Variants in PRDM15 observed in about 807,000 individuals in gnomAD.
PRDM15 encodes PR/SET domain 15, also known as PR domain zinc finger protein 15.
PRDM15 carries 64 observed loss-of-function variants against 128.6 expected under a neutral mutation model. The ratio of observed to expected loss-of-function variants is 0.50; its 90% CI spans 0.41 to 0.61. PRDM15 has a LOEUF of 0.61. Ranked by LOEUF, PRDM15 falls within the 20% of genes least tolerant of loss-of-function variation. The pLI is 0.00. For missense variants in PRDM15, 1,242 were observed against 1,569.1 expected (o/e 0.79, Z 3.52); for synonymous variants, 615 against 621.8 (o/e 0.99, Z 0.16).
Position 41,821,790 on chromosome 21 carries a change from G to T in PRDM15, c.1896+113C>A. Reference sequence around the variant, plus strand: ...GACCACTGGCCGGAGCCTTTGGGGAGGGAGGGCTGCTTCCGAGATGCATGA... The same window carrying T: ...GACCACTGGCCGGAGCCTTTGGGGATGGAGGGCTGCTTCCGAGATGCATGA... On this transcript the variant is annotated intron_variant, in intron 15 of 23. Transcript: ENST00000398548. The surrounding 1 kb of genome is among the most constrained non-coding windows in gnomAD (Gnocchi z 5.4). The T allele has an allele frequency of 7.5e-7, 1 of 1,331,866 alleles. No individual in the cohort carries two copies. 82.5% of individuals were successfully genotyped at this position (1,331,866 alleles called of 1,614,324 possible). A position where few individuals can be genotyped will look rare whatever the true frequency, so the allele number is the denominator to read the frequency against.
rs958935209 is a variant in PRDM15, at chr21:41,811,489, AAAT to A, written c.2393-656_2393-654del. ...TACAAAAATAAAATAAAATAAAATA[AAAT>A]AAAATAACCAGCCGGGCATGATGGT... On this transcript the variant is annotated intron_variant, in intron 19 of 23. Transcript: ENST00000398548. This position sits in a 1 kb window ranked among gnomAD's most constrained non-coding sequence, Gnocchi z 4.1. 1.3e-5 allele frequency: 2 copies of A among 152,228 alleles called. No homozygotes were observed. The highest frequency in any genetic ancestry group is 1.3e-4 in the Admixed American group (2 of 15,294). 9.4% of individuals were successfully genotyped at this position (152,228 alleles called of 1,614,324 possible). A position where few individuals can be genotyped will look rare whatever the true frequency, so the allele number is the denominator to read the frequency against.
intron 21 of PRDM15, among the ~76,000 whole-genome samples, chr21:41,805,801 C>A (rs1002771461): frequency 7.3e-6 from 1 of 137,488 alleles, no homozygotes; most frequent in Non-Finnish European, 1.6e-5. Context: ...ACCACCAACA[C>A]AACCACCTCC....
Position 41,879,196 on chromosome 21 carries a change from G to A in PRDM15, c.-10+74C>T. 1.3e-6 allele frequency: 1 copy of A among 799,092 alleles called. No homozygotes were observed. The highest frequency in any genetic ancestry group is 5.4e-5 in the South Asian group (1 of 18,410). The allele number at this position is 799,092 out of a possible 1,614,324, so 49.5% of individuals were successfully genotyped here. A position where few individuals can be genotyped will look rare whatever the true frequency, so the allele number is the denominator to read the frequency against. Reference sequence around the variant, plus strand: ...GCCCAGGGCGCGCCGGGGCTCGCGGGGGCAGCGGGTGCGGCCCGGGGCCGG... The same window carrying A: ...GCCCAGGGCGCGCCGGGGCTCGCGGAGGCAGCGGGTGCGGCCCGGGGCCGG... On this transcript the variant is annotated intron_variant, in intron 1 of 23. Transcript: ENST00000398548. The surrounding 1 kb of genome is among the most constrained non-coding windows in gnomAD (Gnocchi z 5.1).
chr21:41,814,645 G>A (rs2061981611), intron 19 of PRDM15: 1 of 145,398 alleles, frequency 6.9e-6, no homozygotes, highest in Admixed American at 7.0e-5. Flanking sequence ...AATGCCTTGT[G>A]TTAGTGATTG....
chr21:41,866,560 G>C (rs1416137995), intron 1 of PRDM15, among the ~76,000 whole-genome samples: 1 of 152,210 alleles, frequency 6.6e-6, no homozygotes, highest in African/African-American at 2.4e-5. Context: ...TCACGTACTT[G>C]AAAGAAAGTT....
At position 41,801,706 on chromosome 21, in the gene PRDM15, C is replaced by T. The variant is rs1280499462; in HGVS notation, c.2960G>A (p.Gly987Asp). 4 of 1,612,088 alleles carry T rather than the reference C, an allele frequency of 2.5e-6. No individual in the cohort carries two copies. In the East Asian group the frequency reaches 6.7e-5, roughly 27 times the overall value. Reference protein sequence around the residue: ...QSIQQVVVTLGDPNVTTPSSS... With the variant: ...QSIQQVVVTLDDPNVTTPSSS... ...CGATGGTGTGGTCACATTTGGGTCA[C>T]CCAGGGTCACCACTACCTGGAAGAT... The change falls in exon 24 of 24, where the codon GGT becomes GAT. Residue 987 changes from glycine (G) to aspartate (D), a missense_variant. By Grantham distance (94) the Gly-to-Asp change is moderately conservative (BLOSUM62 -1). This residue lies in a region of PRDM15 where 602 missense variants were observed against 788.3 expected (regional missense o/e 0.76). Transcript: ENST00000398548.
chr21:41,837,909 GCCCC>G, intron 8 of PRDM15, 21 bp downstream of exon 8: 1 of 1,613,660 alleles, frequency 6.2e-7, no homozygotes. Flanking sequence ...CCACAGGACG[GCCCC>G]AGGTGCCAGG....
chr21:41,827,269 AC>A (rs2062503954), intron 12 of PRDM15, among the ~76,000 whole-genome samples: 1 of 152,278 alleles, frequency 6.6e-6, no homozygotes, highest in African/African-American at 2.4e-5. Flanking sequence ...TAAAAGGTAC[AC>A]AGGATGCAAT....
chr21:41,815,976 G>T, intron 18 of PRDM15, 140 bp from the exon 19 acceptor site: 1 of 1,065,724 alleles, frequency 9.4e-7, no homozygotes, highest in South Asian at 1.5e-5. Flanking sequence ...GAGGATCCCG[G>T]TCAGTCCACC....
At chr21:41,836,914 G>T in intron 8 of PRDM15, 1 of 279,674 alleles carries the variant, frequency 3.6e-6, no homozygotes, top group Non-Finnish European at 6.7e-6. Context: ...AAAGCCTGGA[G>T]GTCAATTTGT....
At chr21:41,806,361 C>T (rs1166507518) in intron 21 of PRDM15, among the ~76,000 whole-genome samples, 1 of 41,214 alleles carries the variant, frequency 2.4e-5, no homozygotes, top group Non-Finnish European at 5.0e-5. Flanking sequence ...ATCACCACCA[C>T]CACCATCACT....
chr21:41,818,011 G>A (rs1379530355), intron 18 of PRDM15, among the ~76,000 whole-genome samples: 1 of 152,206 alleles, frequency 6.6e-6, no homozygotes, highest in Non-Finnish European at 1.5e-5. Flanking sequence ...GACCTGCAGG[G>A]GACCCAGGTG....
At chr21:41,834,416 C>T (rs945827004) in intron 11 of PRDM15, 5 of 1,202,964 alleles carry the variant, frequency 4.2e-6, no homozygotes, top group East Asian at 5.1e-5. Flanking sequence ...AACACAGGGG[C>T]GGGTGGCACC....
chr21:41,834,615 G>A (rs979410007), intron 11 of PRDM15: 18 of 1,457,244 alleles, frequency 1.2e-5, no homozygotes, highest in Middle Eastern at 1.8e-4. Flanking sequence ...TCTGTGCCCC[G>A]CTGGGGACCC....
intron 4 of PRDM15, among the ~76,000 whole-genome samples, chr21:41,855,212 C>T (rs1159516915): frequency 6.6e-6 from 1 of 152,094 alleles, no homozygotes; most frequent in Non-Finnish European, 1.5e-5. Context: ...CCACGTGTCA[C>T]GGGGACACCT....
intron 6 of PRDM15, among the ~76,000 whole-genome samples, chr21:41,845,768 T>C (rs1374036503): frequency 1.3e-5 from 2 of 152,010 alleles, no homozygotes; most frequent in African/African-American, 4.8e-5. Context: ...TCACTGAAAA[T>C]ATGAAGGAAT....
At position 41,830,713 on chromosome 21, in the gene PRDM15, A is replaced by G. The variant is rs957218180; in HGVS notation, c.1367-2380T>C. 6.0e-5 allele frequency among the ~76,000 whole-genome samples: 9 copies of G among 149,804 alleles called. 1 individual carries two copies. The South Asian group carries it at 1.9e-3, about 32-fold the overall frequency. ...TACCACACAAATACATCCACACACC[A>G]CAGAAACACACAGCCACACACAGTC... On this transcript the variant is annotated intron_variant, in intron 11 of 23. Transcript: ENST00000398548.
At position 41,854,816 on chromosome 21, in the gene PRDM15, C is replaced by G. The variant is rs534141424; in HGVS notation, c.288G>C (p.Val96=). The G allele has an allele frequency of 5.0e-6, 8 of 1,599,314 alleles. No homozygotes were observed. The highest frequency in any genetic ancestry group is 6.8e-6 in the Non-Finnish European group (8 of 1,169,084). The part of the protein sequence containing the change: ...WEKESAFPLK[V]FQKDGHPVCF... ...ACACGGGGTGCCCGTCCTTCTGGAA[C>G]ACCTGAAGGTGAGTCGGCCCATGGA... The change falls in exon 5 of 24, where the codon GTG becomes GTC. Residue 96 remains valine, a splice_region_variant and synonymous_variant. Coordinates refer to ENST00000398548, the MANE Select transcript of PRDM15 (RefSeq NM_001040424.3). This position sits in a 1 kb window ranked among gnomAD's most constrained non-coding sequence, Gnocchi z 4.6.
chr21:41,865,456 G>A (rs1194742897), intron 1 of PRDM15, among the ~76,000 whole-genome samples: 5 of 152,110 alleles, frequency 3.3e-5, no homozygotes, highest in African/African-American at 7.2e-5. Flanking sequence ...ACCAGCACAC[G>A]GGACAGGTCA....
Sources: gnomAD v4.1 joint callset for allele counts (sites outside exome capture counted in the v4.1 genomes callset) on GRCh38, gnomAD v4.1.1 for gene constraint, gnomAD v4.1.1 regional missense constraint, Gnocchi (gnomAD v3.1) non-coding constraint, MANE v1.5 for transcripts, NCBI Gene and HGNC (gene_info 2026-07-23, HGNC 2026-07-21) for gene names.